Variants in CACNA2D3 observed in about 807,000 individuals in gnomAD.
CACNA2D3 encodes voltage-dependent calcium channel subunit alpha-2/delta-3.
Under a neutral mutation model 160.6 loss-of-function variants are expected in CACNA2D3, and 60 were observed. The ratio of observed to expected loss-of-function variants is 0.37; its 90% CI spans 0.30 to 0.46. The LOEUF is 0.46. Among genes scored for constraint, CACNA2D3 ranks in the 20% least tolerant of loss-of-function variants. The pLI, the probability that CACNA2D3 is intolerant of heterozygous loss-of-function variation, is 1.00. For missense variants in CACNA2D3, 1,205 were observed against 1,365.0 expected, an observed-to-expected ratio of 0.88 and a Z score of 1.85; for synonymous variants, 558 against 492.9, an observed-to-expected ratio of 1.13 and a Z score of -1.75.
intron 11 of CACNA2D3, among the ~76,000 whole-genome samples, chr3:54,704,677 A>G (rs974355847): frequency 6.6e-6 from 1 of 152,196 alleles, no homozygotes; most frequent in Non-Finnish European, 1.5e-5. Flanking sequence ...GTTTAGGCCA[A>G]GAGACACAAA....
At chr3:54,809,194 C>T (rs1703216807) in intron 13 of CACNA2D3, among the ~76,000 whole-genome samples, 1 of 151,492 alleles carries the variant, frequency 6.6e-6, no homozygotes, top group South Asian at 2.1e-4. Flanking sequence ...TTTCTTCCTT[C>T]TTTCTTCTCC....
At chr3:54,272,559 C>G (rs897567629) in intron 2 of CACNA2D3, among the ~76,000 whole-genome samples, 14 of 152,056 alleles carry the variant, frequency 9.2e-5, no homozygotes, top group African/African-American at 3.1e-4. Flanking sequence ...TTCTTCTGTT[C>G]CCCTCCCAGG....
At chr3:55,014,469 C>G (rs1473677293) in intron 34 of CACNA2D3, among the ~76,000 whole-genome samples, 1 of 152,166 alleles carries the variant, frequency 6.6e-6, no homozygotes, top group Non-Finnish European at 1.5e-5. Context: ...GTGGCTCACG[C>G]CTGTAATCCC....
intron 3 of CACNA2D3, among the ~76,000 whole-genome samples, chr3:54,358,628 G>C (rs933508467): frequency 1.3e-5 from 2 of 152,208 alleles, no homozygotes; most frequent in African/African-American, 4.8e-5. Flanking sequence ...GCCTGGGCAA[G>C]GCATCTCCCT....
chr3:54,841,427 C>T (rs1465009), intron 16 of CACNA2D3, among the ~76,000 whole-genome samples: 15 of 152,292 alleles, frequency 9.8e-5, no homozygotes, highest in Admixed American at 5.9e-4. Context: ...GAACCATTGA[C>T]GTAGATATGG....
At chr3:54,678,146 A>C (rs1700276856) in intron 11 of CACNA2D3, among the ~76,000 whole-genome samples, 2 of 152,136 alleles carry the variant, frequency 1.3e-5, no homozygotes, top group African/African-American at 4.8e-5. Context: ...AAGGGAGGGA[A>C]TATCTAGGCA....
At chr3:54,617,690 A>G (rs1156780964) in intron 9 of CACNA2D3, among the ~76,000 whole-genome samples, 2 of 152,208 alleles carry the variant, frequency 1.3e-5, no homozygotes, top group Non-Finnish European at 2.9e-5. Flanking sequence ...TGGGCATCCT[A>G]TATTTATCTG....
At chr3:54,487,559 G>T (rs780413678) in intron 4 of CACNA2D3, among the ~76,000 whole-genome samples, 1 of 152,134 alleles carries the variant, frequency 6.6e-6, no homozygotes, top group Non-Finnish European at 1.5e-5. Context: ...AATCATATTC[G>T]AGGGTCTCCC....
chr3:54,287,063 A>T (rs1703048555), intron 2 of CACNA2D3, among the ~76,000 whole-genome samples: 1 of 152,048 alleles, frequency 6.6e-6, no homozygotes, highest in South Asian at 2.1e-4. Context: ...ATAGGATCAA[A>T]TTCACACATA....
chr3:54,912,193 GA>G (rs1468238330), intron 27 of CACNA2D3, among the ~76,000 whole-genome samples: 3 of 152,168 alleles, frequency 2.0e-5, no homozygotes, highest in African/African-American at 7.2e-5. Context: ...CTTTGAATAG[GA>G]CAAGCAAGAG....
At chr3:54,328,014 C>T (rs898328018) in intron 3 of CACNA2D3, among the ~76,000 whole-genome samples, 4 of 152,174 alleles carry the variant, frequency 2.6e-5, no homozygotes, top group Admixed American at 1.3e-4. Context: ...TAGTGTTTCA[C>T]GGTTATAAGC....
chr3:54,418,860 C>G (rs6445656), intron 4 of CACNA2D3, among the ~76,000 whole-genome samples: 1 of 152,294 alleles, frequency 6.6e-6, no homozygotes, highest in South Asian at 2.1e-4. Flanking sequence ...TATTATTTTG[C>G]CCCATACCCT....
At chr3:54,581,974 C>A in intron 9 of CACNA2D3, 97 bp downstream of exon 9, 1 of 985,408 alleles carries the variant, frequency 1.0e-6, no homozygotes, top group South Asian at 1.6e-5. Context: ...AATGCACTGC[C>A]CTTTCATTGA....
rs892708751 is a variant in CACNA2D3 at position 54,461,401 on chromosome 3, G to A, written c.382-42091G>A. Among the ~76,000 whole-genome samples, 13 of 151,204 alleles carry A rather than the reference G, an allele frequency of 8.6e-5. No individual in the cohort carries two copies. In the South Asian group the frequency reaches 1.9e-3, roughly 22 times the overall value. ...GTAGAATTCGGCTGTGAATCCATCT[G>A]GTCCTGGACTCTTTTTGATTGGTAA... On this transcript the variant is annotated intron_variant, in intron 4 of 37. Transcript: ENST00000474759.
chr3:54,898,912 T>C (rs1267268137), intron 26 of CACNA2D3, among the ~76,000 whole-genome samples: 1 of 152,232 alleles, frequency 6.6e-6, no homozygotes, highest in Non-Finnish European at 1.5e-5. Flanking sequence ...GAGCTCTCTC[T>C]GATTTTCTCT....
At chr3:54,518,417 C>T (rs1456810459) in intron 5 of CACNA2D3, among the ~76,000 whole-genome samples, 2 of 152,008 alleles carry the variant, frequency 1.3e-5, no homozygotes, top group East Asian at 1.9e-4. Context: ...ACCTGGGGTT[C>T]CCCCCAGTGT....
chr3:54,418,441 C>T (rs1412817966), intron 4 of CACNA2D3, among the ~76,000 whole-genome samples: 2 of 152,110 alleles, frequency 1.3e-5, no homozygotes, highest in African/African-American at 4.8e-5. Context: ...GGAATTATAG[C>T]TTAAAGGCGA....
At chr3:55,038,051 ACT>A (rs1385869432) in intron 35 of CACNA2D3, among the ~76,000 whole-genome samples, 3 of 151,714 alleles carry the variant, frequency 2.0e-5, no homozygotes, top group Admixed American at 2.0e-4. Flanking sequence ...TAAATTTAGG[ACT>A]CTCTCTCTCT....
chr3:54,379,375 A>G (rs538609599), intron 3 of CACNA2D3, among the ~76,000 whole-genome samples: 1 of 152,350 alleles, frequency 6.6e-6, no homozygotes, highest in East Asian at 1.9e-4. Context: ...GATCACCTTG[A>G]TAGTTGGTGA....
Sources: allele counts gnomAD v4.1 joint callset (sites outside exome capture counted in the v4.1 genomes callset), GRCh38; gene constraint gnomAD v4.1.1; transcripts MANE v1.5; gene names NCBI Gene and HGNC (gene_info 2026-07-23, HGNC 2026-07-21).